The following SUGP1 variants were observed in gnomAD, a reference collection of about 807,000 sequenced individuals.
SUGP1 encodes the protein SURP and G-patch domain-containing protein 1.
A neutral mutation model predicts 76.5 loss-of-function variants in SUGP1; 34 were observed. That is an observed-to-expected ratio of 0.44 (90% confidence interval 0.34 to 0.59). The LOEUF is 0.59. SUGP1 is among the 20% of genes least tolerant of loss of function. SUGP1 has a pLI of 0.01. For synonymous variants in SUGP1, 326 were observed against 326.2 expected, an observed-to-expected ratio of 1.00 and a Z score of 0.01; for missense variants, 752 against 851.7, an observed-to-expected ratio of 0.88 and a Z score of 1.46.
intron 4 of SUGP1, 199 bp downstream of exon 4, chr19:19,305,650 C>G: frequency 1.9e-6 from 1 of 532,098 alleles, no homozygotes; most frequent in Non-Finnish European, 3.3e-6. Context: ...CGCTGATGCC[C>G]AGCAACACCC....
At chr19:19,311,000 T>C (rs1312818904) in intron 2 of SUGP1, among the ~76,000 whole-genome samples, 3 of 151,652 alleles carry the variant, frequency 2.0e-5, no homozygotes, top group African/African-American at 7.3e-5. Flanking sequence ...CAGAGTGCAA[T>C]GGTGCGATAA....
rs1247058400 is a variant in SUGP1, at chr19:19,319,767, T to A, written c.34+696A>T. Among the ~76,000 whole-genome samples the A allele has an allele frequency of 1.0e-4, 14 of 139,700 alleles. No homozygotes were observed. In the Admixed American group the frequency reaches 1.0e-3, roughly 10 times the overall value. 91.6% of individuals were successfully genotyped at this position (139,700 alleles called of 152,430 possible). A position where few individuals can be genotyped will look rare whatever the true frequency, so the allele number is the denominator to read the frequency against. The stretch of plus-strand genomic sequence containing the variant: ...GAAAAGGTCTTTCCTGACTACCCAA[T>A]ATCAGAAGCCTCCACTCTGATCATA... On this transcript the variant is annotated intron_variant, in intron 1 of 13. Coordinates refer to ENST00000247001, the MANE Select transcript of SUGP1 (RefSeq NM_172231.4).
At chr19:19,307,805 T>C (rs946900958) in intron 3 of SUGP1, among the ~76,000 whole-genome samples, 4 of 151,970 alleles carry the variant, frequency 2.6e-5, no homozygotes, top group African/African-American at 9.7e-5. Flanking sequence ...GCTGGGATTA[T>C]AGGGGTGTGC....
Position 19,318,030 on chromosome 19 carries a change from C to G in SUGP1, c.35-1437G>C, listed in dbSNP as rs935054244. Among the ~76,000 whole-genome samples, 7 of 151,472 alleles carry G rather than the reference C, an allele frequency of 4.6e-5. No homozygotes were observed. In the South Asian group the frequency reaches 6.3e-4, roughly 14 times the overall value. On this transcript the variant is annotated intron_variant, in intron 1 of 13. Coordinates refer to ENST00000247001, the MANE Select transcript of SUGP1 (RefSeq NM_172231.4). Reference sequence around the variant, plus strand: ...TTCGCCATGTTGTCCAGGCTGGTCTCGAACTCCCGTCCTCAAGGGAACCTC... The same window carrying G: ...TTCGCCATGTTGTCCAGGCTGGTCTGGAACTCCCGTCCTCAAGGGAACCTC...
intron 8 of SUGP1, among the ~76,000 whole-genome samples, chr19:19,285,027 CT>C (rs1599847964): frequency 6.6e-6 from 1 of 150,822 alleles, no homozygotes; most frequent in East Asian, 2.0e-4. Flanking sequence ...GCCACCGTGC[CT>C]GGCTAATTTT....
intron 7 of SUGP1, 67 bp from the exon 8 acceptor site, chr19:19,297,411 G>GAGCAGTTCTGGCCTTCTGGGCAGA (rs1433523954): frequency 7.3e-7 from 1 of 1,373,054 alleles, no homozygotes; most frequent in Non-Finnish European, 9.8e-7. Context: ...TTCTGGGCAG[G>GAGCAGTTCTGGCCTTCTGGGCAGA]AGCAGTTCTG....
chr19:19,319,978 C>A (rs912460776), intron 1 of SUGP1, among the ~76,000 whole-genome samples: 1 of 152,162 alleles, frequency 6.6e-6, no homozygotes, highest in Non-Finnish European at 1.5e-5. Context: ...TGGGTAAATG[C>A]ATTCTATTCT....
At chr19:19,295,605 CAAA>C (rs55921805) in intron 8 of SUGP1, among the ~76,000 whole-genome samples, 2,879 of 66,736 alleles carry the variant, frequency 0.043, 82 homozygotes, top group African/African-American at 0.13. Context: ...GACTCCTTCT[CAAA>C]AAAAAAAAAA....
chr19:19,305,927 C>T lies in SUGP1; in HGVS notation c.460G>A (p.Val154Met), dbSNP rs553015469. ...TGGAAGACACTCGGGCGGTGCGCCA[C>T]GGGCAGCTGCTTGGCGTGGGAGTAG... ...KSYSHAKQLP[V>M]AHRPSVFQSP... is the part of the protein sequence containing the mutation. Residue 154 changes from valine to methionine, a missense_variant, in exon 4 of 14, where the codon GTG becomes ATG. This residue lies in a region of SUGP1 where 620 missense variants were observed against 617.3 expected (regional missense o/e 1.00). Transcript: ENST00000247001. The T allele has an allele frequency of 2.1e-5, 34 of 1,613,558 alleles. No individual in the cohort carries two copies. The highest frequency in any genetic ancestry group is 4.5e-5 in the East Asian group (2 of 44,856).
intron 8 of SUGP1, among the ~76,000 whole-genome samples, chr19:19,282,718 T>C (rs1198760896): frequency 6.6e-6 from 1 of 152,116 alleles, no homozygotes; most frequent in Non-Finnish European, 1.5e-5. Flanking sequence ...TTTTGGAGAT[T>C]TGCAACAATT....
intron 8 of SUGP1, among the ~76,000 whole-genome samples, chr19:19,286,980 C>CAAT (rs893774636): frequency 6.6e-5 from 10 of 151,588 alleles, no homozygotes; most frequent in Admixed American, 3.9e-4. Flanking sequence ...ACAACAACAA[C>CAAT]AACAACAAAA....
In SUGP1 at chr19:19,320,330, G is replaced by A. The variant is rs961263129; in HGVS notation, c.34+133C>T. The A allele has an allele frequency of 1.0e-5, 10 of 961,484 alleles. No homozygotes were observed. The Admixed American group carries it at 1.5e-4, about 14-fold the overall frequency. 59.6% of individuals were successfully genotyped at this position (961,484 alleles called of 1,614,324 possible). A position where few individuals can be genotyped will look rare whatever the true frequency, so the allele number is the denominator to read the frequency against. ...TCTCGAGAAACCAAGAGGTGCAGAA[G>A]CCGACGCTGTGGGCTGCCCCGGGGC... On this transcript the variant is annotated intron_variant, in intron 1 of 13. Transcript: ENST00000247001.
At chr19:19,285,436 G>A (rs1481009262) in intron 8 of SUGP1, among the ~76,000 whole-genome samples, 1 of 152,124 alleles carries the variant, frequency 6.6e-6, no homozygotes, top group Non-Finnish European at 1.5e-5. Context: ...CAAAGTGCTA[G>A]GATCACAGGC....
chr19:19,292,828 C>T (rs1599854145), intron 8 of SUGP1, among the ~76,000 whole-genome samples: 1 of 151,990 alleles, frequency 6.6e-6, no homozygotes, highest in Non-Finnish European at 1.5e-5. Flanking sequence ...AAGGATGGCT[C>T]AACATTTGAA....
chr19:19,303,288 A>G, intron 6 of SUGP1, 60 bp downstream of exon 6: 1 of 1,457,316 alleles, frequency 6.9e-7, no homozygotes, highest in Non-Finnish European at 9.6e-7. Flanking sequence ...CCGATTCCGC[A>G]TTGGGGCACG....
chr19:19,316,320 T>C, intron 2 of SUGP1, 102 bp downstream of exon 2: 1 of 1,417,244 alleles, frequency 7.1e-7, no homozygotes, highest in Non-Finnish European at 9.6e-7. Context: ...AGGCTATGGC[T>C]GGGTGCAAGC....
chr19:19,319,292 T>A (rs780838765), intron 1 of SUGP1, among the ~76,000 whole-genome samples: 7 of 152,132 alleles, frequency 4.6e-5, no homozygotes, highest in Non-Finnish European at 8.8e-5. Flanking sequence ...TCCCTTCTGC[T>A]TCATCCTTGA....
Position 19,276,359 on chromosome 19 carries a change from T to C in SUGP1, c.*289A>G. On this transcript the variant is annotated 3_prime_UTR_variant, in exon 14 of 14. Transcript: ENST00000247001. ...AGACACTGCACCTGGCCTTCCAGCTTTACTATGCTGAAAACAACTTTCTTC... is the reference window on the plus strand; with the variant it reads ...AGACACTGCACCTGGCCTTCCAGCTCTACTATGCTGAAAACAACTTTCTTC... 1 of 376,480 alleles carries C rather than the reference T, an allele frequency of 2.7e-6. No individual in the cohort carries two copies. Among genetic ancestry groups the C allele is most frequent in the Non-Finnish European group, 4.9e-6 (1 of 202,812 alleles). 23.3% of individuals were successfully genotyped at this position (376,480 alleles called of 1,614,324 possible).
intron 8 of SUGP1, among the ~76,000 whole-genome samples, chr19:19,287,594 C>T (rs2061151242): frequency 6.6e-6 from 1 of 151,902 alleles, no homozygotes; most frequent in South Asian, 2.1e-4. Context: ...AATAGAAGAG[C>T]TAACAGATAC....
Sources: allele counts gnomAD v4.1 joint callset (sites outside exome capture counted in the v4.1 genomes callset), GRCh38; gene constraint gnomAD v4.1.1; regional missense constraint gnomAD v4.1.1; transcripts MANE v1.5; gene names NCBI Gene and HGNC (gene_info 2026-07-23, HGNC 2026-07-21).